The following EPHA6 variants were observed in gnomAD, a reference collection of about 807,000 sequenced individuals.
EPHA6 encodes the protein ephrin type-A receptor 6.
In EPHA6, 50 loss-of-function variants were observed where a neutral mutation model predicts 112.0. The ratio of observed to expected loss-of-function variants is 0.45; its 90% CI spans 0.36 to 0.56. The LOEUF (loss-of-function observed/expected upper bound fraction) is 0.56. Ranked by LOEUF, EPHA6 falls within the 20% of genes least tolerant of loss-of-function variation. The pLI, the probability that EPHA6 is intolerant of heterozygous loss-of-function variation, is 0.00. For synonymous variants in EPHA6, 529 were observed against 490.7 expected (o/e 1.08, Z -1.03); for missense variants, 1,280 against 1,417.4 (o/e 0.90, Z 1.56).
chr3:97,200,813 A>G (rs1024405295), intron 3 of EPHA6, among the ~76,000 whole-genome samples: 16 of 152,162 alleles, frequency 1.1e-4, no homozygotes, highest in Non-Finnish European at 1.5e-5. Context: ...GTGAAAATAG[A>G]TGTAGTCATA....
Position 97,071,875 on chromosome 3 carries a change from G to A in EPHA6, c.1114+83882G>A, listed in dbSNP as rs375766887. 5.9e-5 allele frequency among the ~76,000 whole-genome samples: 9 copies of A among 151,876 alleles called. No homozygotes were observed. In the South Asian group the frequency reaches 6.2e-4, roughly 11 times the overall value. On this transcript the variant is annotated intron_variant, in intron 3 of 17. Coordinates refer to ENST00000389672, the MANE Select transcript of EPHA6 (RefSeq NM_001080448.3). Reference sequence around the variant, plus strand: ...TAGTCTTTTATTCCTCACCCGTCCCGCATTTTCCCCCGAGTCCCCCATGTC... The same window carrying A: ...TAGTCTTTTATTCCTCACCCGTCCCACATTTTCCCCCGAGTCCCCCATGTC...
rs1159020342 is a variant in EPHA6 at position 97,669,260 on chromosome 3, TG to T, written c.2784+31179del. Among the ~76,000 whole-genome samples the T allele has an allele frequency of 3.0e-3, 455 of 152,070 alleles. 2 individuals carry two copies. The highest frequency in any genetic ancestry group is 9.9e-3 in the African/African-American group (410 of 41,500). The stretch of plus-strand genomic sequence containing the variant: ...TGACCTCCTCTTTTACTTTCTGTTT[TG>T]TTTTTTTTTTCTAATATATATACCC... On this transcript the variant is annotated intron_variant, in intron 14 of 17. Coordinates refer to ENST00000389672, the MANE Select transcript of EPHA6 (RefSeq NM_001080448.3).
chr3:97,345,241 G>A (rs1366758281), intron 5 of EPHA6, among the ~76,000 whole-genome samples: 3 of 152,132 alleles, frequency 2.0e-5, no homozygotes, highest in South Asian at 2.1e-4. Context: ...ACTGCTTAGA[G>A]GATGTTTTGA....
chr3:97,036,726 T>C (rs185668764), intron 3 of EPHA6, among the ~76,000 whole-genome samples: 2 of 152,120 alleles, frequency 1.3e-5, no homozygotes, highest in Admixed American at 6.6e-5. Context: ...TTTACTTTCA[T>C]CACCATAAAA....
intron 2 of EPHA6, among the ~76,000 whole-genome samples, chr3:96,972,024 C>G (rs1323022354): frequency 1.3e-5 from 2 of 152,030 alleles, no homozygotes; most frequent in East Asian, 1.9e-4. Flanking sequence ...TTTAATCTAT[C>G]TTTAAATTGT....
rs545267969 is a variant in EPHA6 at position 97,531,152 on chromosome 3, T to A, written c.2201-1206T>A. On this transcript the variant is annotated intron_variant, in intron 10 of 17. Transcript: ENST00000389672. Reference sequence around the variant, plus strand: ...ATTGTCACTTTTGATCTTCCCAATATCCTTATGGGAATGAGAGATTATAGG... The same window carrying A: ...ATTGTCACTTTTGATCTTCCCAATAACCTTATGGGAATGAGAGATTATAGG... Among the ~76,000 whole-genome samples, 20 of 152,128 alleles carry A rather than the reference T, an allele frequency of 1.3e-4. No homozygotes were observed. The South Asian group carries it at 4.1e-3, about 32-fold the overall frequency.
intron 3 of EPHA6, among the ~76,000 whole-genome samples, chr3:97,004,284 T>C (rs1301714302): frequency 6.6e-6 from 1 of 152,200 alleles, no homozygotes. Context: ...TTCCTATTTC[T>C]CCACAGCCTC....
chr3:96,941,611 C>A (rs2040954382), intron 2 of EPHA6, among the ~76,000 whole-genome samples: 1 of 152,244 alleles, frequency 6.6e-6, no homozygotes, highest in Non-Finnish European at 1.5e-5. Flanking sequence ...CAAAGTCATT[C>A]TCCGTCCAGC....
At chr3:97,213,327 A>T (rs2077932020) in intron 3 of EPHA6, among the ~76,000 whole-genome samples, 1 of 152,178 alleles carries the variant, frequency 6.6e-6, no homozygotes, top group African/African-American at 2.4e-5. Flanking sequence ...CCCTCTTGGA[A>T]CCACAGCTTC....
At chr3:97,459,318 C>T (rs537855222) in intron 7 of EPHA6, among the ~76,000 whole-genome samples, 2 of 152,312 alleles carry the variant, frequency 1.3e-5, no homozygotes, top group East Asian at 3.9e-4. Context: ...TTTCAGACCT[C>T]CCACTAGACC....
chr3:96,863,227 T>A (rs2036109405), intron 1 of EPHA6, among the ~76,000 whole-genome samples: 1 of 152,000 alleles, frequency 6.6e-6, no homozygotes, highest in Non-Finnish European at 1.5e-5. Context: ...TTGGCTTTTT[T>A]ACTGATGTTA....
intron 11 of EPHA6, among the ~76,000 whole-genome samples, chr3:97,564,999 A>C (rs1577795619): frequency 6.6e-6 from 1 of 152,326 alleles, no homozygotes; most frequent in Non-Finnish European, 1.5e-5. Context: ...TCTCGCCAGC[A>C]CAGAGATGAT....
At chr3:97,199,992 G>T (rs1004925572) in intron 3 of EPHA6, among the ~76,000 whole-genome samples, 2 of 152,060 alleles carry the variant, frequency 1.3e-5, no homozygotes, top group Non-Finnish European at 2.9e-5. Context: ...AAGAAAGTAT[G>T]ATTTGAGCTT....
chr3:97,633,869 T>C (rs2093924466), intron 13 of EPHA6, among the ~76,000 whole-genome samples: 1 of 152,120 alleles, frequency 6.6e-6, no homozygotes, highest in South Asian at 2.1e-4. Context: ...AGATTTGTGC[T>C]ATACCTCATG....
At chr3:97,671,082 G>A (rs1424976029) in intron 14 of EPHA6, among the ~76,000 whole-genome samples, 1 of 152,096 alleles carries the variant, frequency 6.6e-6, no homozygotes, top group South Asian at 2.1e-4. Context: ...ACGTATTTTA[G>A]TGTATCTCCT....
intron 3 of EPHA6, among the ~76,000 whole-genome samples, chr3:97,210,379 A>G (rs2077835383): frequency 6.6e-6 from 1 of 152,068 alleles, no homozygotes; most frequent in East Asian, 1.9e-4. Context: ...AGATCTCATG[A>G]TAACTCACTC....
intron 3 of EPHA6, among the ~76,000 whole-genome samples, chr3:97,021,733 G>A (rs547339823): frequency 5.9e-5 from 9 of 152,286 alleles, no homozygotes; most frequent in African/African-American, 2.2e-4. Context: ...TCAGGCCTGA[G>A]CCTTATAACC....
intron 6 of EPHA6, among the ~76,000 whole-genome samples, chr3:97,443,660 G>A (rs2090221017): frequency 6.6e-6 from 1 of 152,066 alleles, no homozygotes; most frequent in African/African-American, 2.4e-5. Flanking sequence ...AAGGCAGCCT[G>A]CATGGATTTG....
chr3:97,197,879 T>C (rs1277975673), intron 3 of EPHA6, among the ~76,000 whole-genome samples: 1 of 152,086 alleles, frequency 6.6e-6, no homozygotes, highest in Non-Finnish European at 1.5e-5. Flanking sequence ...CCTTTCTGGC[T>C]ACAGTAGGTC....
Sources: allele counts gnomAD v4.1 joint callset (sites outside exome capture counted in the v4.1 genomes callset), GRCh38; gene constraint gnomAD v4.1.1; transcripts MANE v1.5; gene names NCBI Gene and HGNC (gene_info 2026-07-23, HGNC 2026-07-21).